SIMC1: variants seen among roughly 807,000 people sequenced by gnomAD.
The protein encoded by SIMC1 is SUMO-interacting motif-containing protein 1.
A neutral mutation model predicts 82.3 loss-of-function variants in SIMC1; 55 were observed. That is an observed-to-expected ratio of 0.67 (90% confidence interval 0.54 to 0.84). The LOEUF is 0.84. Among genes scored for constraint, SIMC1 ranks in the 40% least tolerant of loss-of-function variants. SIMC1 has a pLI of 0.00. For missense variants in SIMC1, 915 were observed against 1,107.2 expected, an observed-to-expected ratio of 0.83 and a Z score of 2.46; for synonymous variants, 353 against 426.3, an observed-to-expected ratio of 0.83 and a Z score of 2.12.
At chr5:176,275,778 T>C (rs1445268088) in intron 1 of SIMC1, among the ~76,000 whole-genome samples, 3 of 151,846 alleles carry the variant, frequency 2.0e-5, no homozygotes, top group Non-Finnish European at 4.4e-5. Flanking sequence ...TTACATTTAT[T>C]GATTTCCGTA....
intron 2 of SIMC1, among the ~76,000 whole-genome samples, chr5:176,293,671 C>T: frequency 6.6e-6 from 1 of 151,230 alleles, no homozygotes; most frequent in East Asian, 1.9e-4. Context: ...TGGCTTGAGC[C>T]TGGGAGGCAG....
Position 176,289,994 on chromosome 5 carries a change from C to A in SIMC1, c.470C>A (p.Thr157Lys), listed in dbSNP as rs1206268766. The A allele has an allele frequency of 6.2e-7, 1 of 1,613,860 alleles. No homozygotes were observed. Among genetic ancestry groups the A allele is most frequent in the Non-Finnish European group, 8.5e-7 (1 of 1,179,828 alleles). ...ATCAGTGGAGGCTCTGTTTATCCAACAGAGCCTAATTGTAGCTCAGCCACA... is the reference window on the plus strand; with the variant it reads ...ATCAGTGGAGGCTCTGTTTATCCAAAAGAGCCTAATTGTAGCTCAGCCACA... ...TSISGGSVYP[T>K]EPNCSSATFT... The change falls in exon 2 of 10, where the codon ACA becomes AAA. Residue 157 changes from threonine (T) to lysine (K), a missense_variant. Around this residue, in one of 2 missense-constraint regions of SIMC1, gnomAD observed 902 missense variants for 1,040.3 expected, o/e 0.87. Coordinates refer to ENST00000429602, the MANE Select transcript of SIMC1 (RefSeq NM_001308195.2).
At chr5:176,277,471 T>C (rs1762764694) in intron 1 of SIMC1, among the ~76,000 whole-genome samples, 2 of 151,876 alleles carry the variant, frequency 1.3e-5, no homozygotes, top group African/African-American at 4.8e-5. Flanking sequence ...CATTTGTCAA[T>C]TTTGGCTTTT....
rs1340280804 is a variant in SIMC1 at position 176,281,024 on chromosome 5, GTT to G, written c.130-8627_130-8626del. ...TCTCCTGGATGATATCCTGCAGAGT[GTT>G]TTCCAACTTGGTTCCATTCTCCCCA... is the stretch of plus-strand genomic sequence containing the variant. On this transcript the variant is annotated intron_variant, in intron 1 of 9. Coordinates refer to ENST00000429602, the MANE Select transcript of SIMC1 (RefSeq NM_001308195.2). 2.6e-5 allele frequency among the ~76,000 whole-genome samples: 4 copies of G among 152,334 alleles called. No homozygotes were observed. In the East Asian group the frequency reaches 5.8e-4, roughly 22 times the overall value.
At chr5:176,344,378 A>C (rs1230810070) in intron 9 of SIMC1, among the ~76,000 whole-genome samples, 1 of 151,562 alleles carries the variant, frequency 6.6e-6, no homozygotes, top group Non-Finnish European at 1.5e-5. Context: ...TGTTGACAAG[A>C]ACATGGAGTA....
rs911071397 is a variant in SIMC1 at position 176,290,483 on chromosome 5, G to A, written c.959G>A (p.Ser320Asn). The change falls in exon 2 of 10, where the codon AGT (serine) becomes AAT (asparagine). Residue 320 changes from serine to asparagine, a missense_variant. Ser to Asn is a conservative substitution (Grantham distance 46). Coordinates refer to ENST00000429602, the MANE Select transcript of SIMC1 (RefSeq NM_001308195.2). ...CCAGGAGATGTGCCACAGTCACCAA[G>A]TGATGTTTCACCGTCACCAGATGCA... ...RSPGDVPQSP[S>N]DVSPSPDAPQ... The A allele has an allele frequency of 6.2e-7, 1 of 1,613,862 alleles. No homozygotes were observed. Among genetic ancestry groups the A allele is most frequent in the Admixed American group, 1.7e-5 (1 of 60,002 alleles).
intron 9 of SIMC1, 61 bp downstream of exon 9, chr5:176,337,207 C>A: frequency 7.8e-7 from 1 of 1,285,296 alleles, no homozygotes. Flanking sequence ...TTGTATTAGT[C>A]ATAACTACAC....
intron 1 of SIMC1, among the ~76,000 whole-genome samples, chr5:176,247,929 T>C (rs897203095): frequency 8.6e-5 from 13 of 151,912 alleles, no homozygotes; most frequent in Non-Finnish European, 1.2e-4. Flanking sequence ...ATGTGTGGCA[T>C]TATTTCTGAG....
intron 1 of SIMC1, among the ~76,000 whole-genome samples, chr5:176,283,026 A>C (rs1369055312): frequency 6.6e-6 from 1 of 152,230 alleles, no homozygotes; most frequent in African/African-American, 2.4e-5. Context: ...GGACTATGTG[A>C]AAAGACCAAA....
chr5:176,270,497 A>C (rs903623916), intron 1 of SIMC1: 7 of 152,196 alleles, frequency 4.6e-5, no homozygotes, highest in African/African-American at 1.4e-4. Flanking sequence ...ACAAGAAAGC[A>C]CTTTCAGAAG....
At chr5:176,334,332 G>A (rs1222904850) in intron 7 of SIMC1, among the ~76,000 whole-genome samples, 1 of 152,132 alleles carries the variant, frequency 6.6e-6, no homozygotes, top group African/African-American at 2.4e-5. Context: ...GCTTTTTCCT[G>A]TTGAGGCTTG....
At chr5:176,248,675 T>C (rs4309992) in intron 1 of SIMC1, among the ~76,000 whole-genome samples, 113,878 of 151,842 alleles carry the variant, frequency 0.75, 42,960 homozygotes, top group Middle Eastern at 0.85. Context: ...GGCATCCTTG[T>C]CTTGTGCTGG....
Position 176,341,062 on chromosome 5 carries a change from G to T in SIMC1, c.2413+3916G>T, listed in dbSNP as rs890130235. ...CTTGGGAGGCTGAGGCAGGAGAATT[G>T]GTTGAACCCGGGAGGCAGAGGTTGC... On this transcript the variant is annotated intron_variant, in intron 9 of 9. Coordinates refer to ENST00000429602, the MANE Select transcript of SIMC1 (RefSeq NM_001308195.2). 2.0e-5 allele frequency among the ~76,000 whole-genome samples: 3 copies of T among 152,144 alleles called. No individual in the cohort carries two copies. In the South Asian group the frequency reaches 6.2e-4, roughly 32 times the overall value.
At chr5:176,323,290 A>G (rs1449105600) in intron 6 of SIMC1, among the ~76,000 whole-genome samples, 2 of 152,236 alleles carry the variant, frequency 1.3e-5, no homozygotes, top group Admixed American at 1.3e-4. Context: ...GGCCACATAC[A>G]GACCCAAGAG....
At chr5:176,291,091 A>G (rs1763539712) in intron 2 of SIMC1, 136 bp downstream of exon 2, 1 of 583,882 alleles carries the variant, frequency 1.7e-6, no homozygotes, top group Non-Finnish European at 3.0e-6. Flanking sequence ...ACTTGTGAAG[A>G]CCCATTCAGT....
intron 1 of SIMC1, among the ~76,000 whole-genome samples, chr5:176,285,302 C>T (rs972962099): frequency 1.1e-4 from 17 of 152,282 alleles, no homozygotes; most frequent in Admixed American, 7.2e-4. Context: ...ATCAAGTGGG[C>T]TTCATCCCTG....
intron 1 of SIMC1, among the ~76,000 whole-genome samples, chr5:176,247,069 A>G (rs2113108075): frequency 6.6e-6 from 1 of 152,246 alleles, no homozygotes; most frequent in South Asian, 2.1e-4. Context: ...CAATAAACAT[A>G]CATGTGCATG....
chr5:176,333,515 G>C (rs1765758518), intron 7 of SIMC1, among the ~76,000 whole-genome samples: 1 of 151,442 alleles, frequency 6.6e-6, no homozygotes, highest in South Asian at 2.1e-4. Context: ...CGCAACCTCT[G>C]CCTCCCAAGG....
intron 7 of SIMC1, among the ~76,000 whole-genome samples, chr5:176,332,935 A>C (rs977682061): frequency 6.6e-6 from 1 of 151,440 alleles, no homozygotes; most frequent in Non-Finnish European, 1.5e-5. Flanking sequence ...CTTCCCTCCC[A>C]TCCCAACCCC....
Sources: gnomAD v4.1 joint callset for allele counts (sites outside exome capture counted in the v4.1 genomes callset) on GRCh38, gnomAD v4.1.1 for gene constraint, gnomAD v4.1.1 regional missense constraint, MANE v1.5 for transcripts, NCBI Gene and HGNC (gene_info 2026-07-23, HGNC 2026-07-21) for gene names.